The following MYB variants were observed in gnomAD, a reference collection of about 807,000 sequenced individuals.
The protein encoded by MYB is MYB proto-oncogene, transcription factor, also known as transcriptional activator Myb.
A neutral mutation model predicts 92.9 loss-of-function variants in MYB; 28 were observed. That is an observed-to-expected ratio of 0.30 (90% CI 0.22 to 0.41). The LOEUF is 0.41. MYB is among the 10% of genes least tolerant of loss of function. The pLI is 1.00. For synonymous variants in MYB, 295 were observed against 329.1 expected (o/e 0.90, Z 1.12); for missense variants, 679 against 929.3 (o/e 0.73, Z 3.50).
At chr6:135,211,674 G>A (rs1779722733) in intron 15 of MYB, among the ~76,000 whole-genome samples, 2 of 152,258 alleles carry the variant, frequency 1.3e-5, no homozygotes, top group East Asian at 3.9e-4. Context: ...AACGTGAAAG[G>A]TGAAGAGACC....
intron 15 of MYB, among the ~76,000 whole-genome samples, chr6:135,210,406 A>T (rs1779545145): frequency 1.3e-5 from 2 of 152,190 alleles, no homozygotes; most frequent in South Asian, 2.1e-4. Context: ...AGTTTAAGTT[A>T]AAGAAATTTC....
chr6:135,210,086 T>G (rs1779507086), intron 15 of MYB, among the ~76,000 whole-genome samples: 1 of 152,228 alleles, frequency 6.6e-6, no homozygotes, highest in Admixed American at 6.5e-5. Flanking sequence ...AAGAGTTGCC[T>G]GCTTTCCTCA....
chr6:135,206,801 A>C (rs1269808432), intron 15 of MYB, among the ~76,000 whole-genome samples: 2 of 152,362 alleles, frequency 1.3e-5, no homozygotes, highest in African/African-American at 4.8e-5. Context: ...GGAAAAAAGA[A>C]ATATTCACTA....
intron 6 of MYB, among the ~76,000 whole-genome samples, chr6:135,193,227 G>A (rs940328887): frequency 1.3e-5 from 2 of 151,940 alleles, no homozygotes; most frequent in African/African-American, 4.8e-5. Flanking sequence ...AAAAGAAGAA[G>A]AAAGAGGAAA....
chr6:135,202,674 G>T (rs1374957167), intron 14 of MYB: 5 of 281,480 alleles, frequency 1.8e-5, no homozygotes, highest in Non-Finnish European at 3.5e-5. Flanking sequence ...GGCCAGGTGG[G>T]TATTATTATC....
At chr6:135,194,030 A>G (rs1047473211) in intron 7 of MYB, 112 bp downstream of exon 7, 5 of 848,414 alleles carry the variant, frequency 5.9e-6, no homozygotes, top group Non-Finnish European at 9.6e-6. Flanking sequence ...GAAAGGGAAC[A>G]TGGAGAGGAG....
chr6:135,184,831 A>G (rs1430392617), intron 1 of MYB, among the ~76,000 whole-genome samples: 3 of 152,202 alleles, frequency 2.0e-5, no homozygotes, highest in Admixed American at 1.3e-4. Flanking sequence ...AGTTTCTAAG[A>G]TAGTATTTTT....
At chr6:135,206,941 A>G (rs1779027278) in intron 15 of MYB, among the ~76,000 whole-genome samples, 1 of 152,198 alleles carries the variant, frequency 6.6e-6, no homozygotes, top group Non-Finnish European at 1.5e-5. Context: ...AAATGCATCA[A>G]GTGACTCTAA....
chr6:135,217,400 T>G (rs561551309), intron 15 of MYB, among the ~76,000 whole-genome samples: 4 of 152,066 alleles, frequency 2.6e-5, no homozygotes, highest in Admixed American at 1.3e-4. Context: ...TAAACTATAC[T>G]GATAAATATT....
chr6:135,189,787 C>G lies in MYB; in HGVS notation c.214-4C>G. Reference sequence around the variant, plus strand: ...TTATGGTGGTGCATACTTTATTTGTCTAGAATCGAACAGATGTGCAGTGCC... The same window carrying G: ...TTATGGTGGTGCATACTTTATTTGTGTAGAATCGAACAGATGTGCAGTGCC... On this transcript the variant is annotated splice_region_variant and splice_polypyrimidine_tract_variant and intron_variant, in intron 3 of 15. Coordinates refer to ENST00000341911, the MANE Select transcript of MYB (RefSeq NM_001130173.2). The G allele has an allele frequency of 6.2e-7, 1 of 1,612,988 alleles. No individual in the cohort carries two copies. The highest frequency in any genetic ancestry group is 8.5e-7 in the Non-Finnish European group (1 of 1,179,230).
rs1562381411 is a variant in MYB at position 135,200,018 on chromosome 6, A to C, written c.1710-67A>C. 6.6e-6 allele frequency: 8 copies of C among 1,207,122 alleles called. No individual in the cohort carries two copies. In the East Asian group the frequency reaches 1.6e-4, roughly 25 times the overall value. The allele number at this position is 1,207,122 out of a possible 1,614,324, so 74.8% of individuals were successfully genotyped here. A position where few individuals can be genotyped will look rare whatever the true frequency, so the allele number is the denominator to read the frequency against. ...TATTCAGTGGAAAAATGTTAAATGT[A>C]ACAGGTAAAGCCATGTAGGGACATT... On this transcript the variant is annotated intron_variant, in intron 11 of 15. Coordinates refer to ENST00000341911, the MANE Select transcript of MYB (RefSeq NM_001130173.2).
intron 15 of MYB, among the ~76,000 whole-genome samples, chr6:135,207,562 C>G (rs1287799527): frequency 6.6e-6 from 1 of 152,164 alleles, no homozygotes; most frequent in Non-Finnish European, 1.5e-5. Flanking sequence ...TTCTAACGTA[C>G]ATATAAATGC....
At chr6:135,217,009 A>G (rs1306916784) in intron 15 of MYB, among the ~76,000 whole-genome samples, 3 of 152,222 alleles carry the variant, frequency 2.0e-5, no homozygotes, top group Non-Finnish European at 4.4e-5. Flanking sequence ...TGAAATGTGA[A>G]GTGCCACTGT....
intron 9 of MYB, 100 bp from the exon 10 acceptor site, chr6:135,196,861 C>T: frequency 6.3e-7 from 1 of 1,588,074 alleles, no homozygotes; most frequent in Non-Finnish European, 8.5e-7. Flanking sequence ...AACCAACGGG[C>T]CTAGTGTTTG....
chr6:135,210,371 A>G (rs1273608215), intron 15 of MYB, among the ~76,000 whole-genome samples: 2 of 152,222 alleles, frequency 1.3e-5, no homozygotes, highest in East Asian at 1.9e-4. Context: ...TGGCTTGCCC[A>G]TGGCCTGACT....
chr6:135,215,745 G>A (rs937964351), intron 15 of MYB, among the ~76,000 whole-genome samples: 1 of 151,696 alleles, frequency 6.6e-6, no homozygotes, highest in African/African-American at 2.4e-5. Context: ...ACATCCCTGC[G>A]TTTCCACCTC....
At chr6:135,214,109 T>C (rs974633838) in intron 15 of MYB, among the ~76,000 whole-genome samples, 2 of 151,940 alleles carry the variant, frequency 1.3e-5, no homozygotes, top group Non-Finnish European at 2.9e-5. Flanking sequence ...CCCCGCTCTC[T>C]ACAAAAAATT....
intron 6 of MYB, among the ~76,000 whole-genome samples, 193 bp downstream of exon 6, chr6:135,192,751 G>A (rs1057255629): frequency 2.0e-5 from 3 of 152,210 alleles, no homozygotes; most frequent in African/African-American, 7.2e-5. Flanking sequence ...CTCCAGAAAC[G>A]AGGATGGTAA....
chr6:135,192,860 C>A (rs978293542), intron 6 of MYB, among the ~76,000 whole-genome samples: 1 of 152,152 alleles, frequency 6.6e-6, no homozygotes, highest in Non-Finnish European at 1.5e-5. Flanking sequence ...TTGAAGGCAA[C>A]CTTTGAATGT....
Sources: allele counts gnomAD v4.1 joint callset (sites outside exome capture counted in the v4.1 genomes callset), GRCh38; gene constraint gnomAD v4.1.1; transcripts MANE v1.5; gene names NCBI Gene and HGNC (gene_info 2026-07-23, HGNC 2026-07-21).